ROBO1: variants seen among roughly 807,000 people sequenced by gnomAD.
ROBO1 encodes roundabout homolog 1.
Under a neutral mutation model 195.9 loss-of-function variants are expected in ROBO1, and 149 were observed. That is an observed-to-expected ratio of 0.76 (90% CI 0.67 to 0.87). ROBO1 has a LOEUF of 0.87. Among genes scored for constraint, ROBO1 ranks in the 40% least tolerant of loss-of-function variants. The pLI is 0.00. For synonymous variants in ROBO1, 816 were observed against 733.2 expected (o/e 1.11, Z -1.82); for missense variants, 1,933 against 2,068.3 (o/e 0.93, Z 1.27).
At chr3:78,780,822 C>T (rs1248193954) in intron 4 of ROBO1, among the ~76,000 whole-genome samples, 1 of 152,062 alleles carries the variant, frequency 6.6e-6, no homozygotes, top group East Asian at 1.9e-4. Context: ...GTCTTCTTGA[C>T]TGGATTTTTC....
chr3:78,790,061 C>T (rs138841177), intron 4 of ROBO1, among the ~76,000 whole-genome samples: 1 of 152,096 alleles, frequency 6.6e-6, no homozygotes, highest in African/African-American at 2.4e-5. Context: ...GTCCACATAC[C>T]ATGAACCTTG....
chr3:78,845,018 G>A (rs2033557889), intron 4 of ROBO1, among the ~76,000 whole-genome samples: 2 of 151,896 alleles, frequency 1.3e-5, no homozygotes, highest in African/African-American at 4.8e-5. Context: ...GTAGATTGAA[G>A]AAAAAAATGT....
intron 3 of ROBO1, among the ~76,000 whole-genome samples, chr3:78,978,150 A>T (rs1359293832): frequency 6.6e-6 from 1 of 152,124 alleles, no homozygotes; most frequent in Non-Finnish European, 1.5e-5. Flanking sequence ...TGATATTTTG[A>T]TTTCAGATTT....
intron 2 of ROBO1, among the ~76,000 whole-genome samples, chr3:79,462,182 C>A (rs1320886601): frequency 1.3e-5 from 2 of 152,044 alleles, no homozygotes; most frequent in Non-Finnish European, 2.9e-5. Context: ...CCCTCATTCA[C>A]CTCAGGAGTA....
chr3:79,701,129 A>G lies in ROBO1; in HGVS notation c.-51+66623T>C, dbSNP rs1220677472. Among the ~76,000 whole-genome samples the G allele has an allele frequency of 2.0e-5, 3 of 151,570 alleles. No homozygotes were observed. In the Admixed American group the frequency reaches 2.0e-4, roughly 10 times the overall value. ...TGTCAACTTTGTTGAAAATAAGATG[A>G]CTGTAGATGTGCAGCTTTATTTCTT... On this transcript the variant is annotated intron_variant, in intron 1 of 30. Coordinates refer to ENST00000464233, the MANE Select transcript of ROBO1 (RefSeq NM_002941.4).
chr3:79,441,310 A>C (rs2039046165), intron 2 of ROBO1, among the ~76,000 whole-genome samples: 1 of 152,132 alleles, frequency 6.6e-6, no homozygotes, highest in African/African-American at 2.4e-5. Context: ...AGTGAATGTT[A>C]GTTTCTTAGG....
rs1462638109 is a variant in ROBO1, at chr3:79,503,321, G to T, written c.88+86503C>A. Among the ~76,000 whole-genome samples the T allele has an allele frequency of 2.0e-5, 3 of 152,212 alleles. No homozygotes were observed. The South Asian group carries it at 6.2e-4, about 32-fold the overall frequency. On this transcript the variant is annotated intron_variant, in intron 2 of 30. Coordinates refer to ENST00000464233, the MANE Select transcript of ROBO1 (RefSeq NM_002941.4). ...GAACCCACCAGAAGGAAGAAACTCC[G>T]AACACATGGGAACATCAGAAGAAAC... is the stretch of plus-strand genomic sequence containing the variant.
At chr3:79,008,932 TG>T (rs1214053629) in intron 3 of ROBO1, among the ~76,000 whole-genome samples, 185 of 141,706 alleles carry the variant, frequency 1.3e-3, no homozygotes, top group Middle Eastern at 3.6e-3. Context: ...TGTGTGTGTA[TG>T]GTTTTGTTTT....
At chr3:79,502,030 T>G (rs1461237737) in intron 2 of ROBO1, among the ~76,000 whole-genome samples, 1 of 152,108 alleles carries the variant, frequency 6.6e-6, no homozygotes, top group East Asian at 1.9e-4. Context: ...AGGCCTTTCC[T>G]TACCTTAGTG....
chr3:79,725,596 G>A (rs1200128766), intron 1 of ROBO1, among the ~76,000 whole-genome samples: 2 of 152,130 alleles, frequency 1.3e-5, no homozygotes, highest in African/African-American at 4.8e-5. Flanking sequence ...CATTTTAAGA[G>A]TGGCAGAGAA....
intron 4 of ROBO1, among the ~76,000 whole-genome samples, chr3:78,787,177 T>C (rs2083861438): frequency 6.6e-6 from 1 of 152,200 alleles, no homozygotes; most frequent in Non-Finnish European, 1.5e-5. Context: ...CAAGGAACCA[T>C]ACTTTGAGGA....
intron 2 of ROBO1, among the ~76,000 whole-genome samples, chr3:79,488,781 C>A (rs1481381665): frequency 6.6e-6 from 1 of 152,082 alleles, no homozygotes; most frequent in Non-Finnish European, 1.5e-5. Flanking sequence ...TAAAACCTGG[C>A]GCCATGTACT....
In ROBO1 at chr3:79,323,144, C is replaced by T. The variant is rs558045266; in HGVS notation, c.89-197605G>A. Among the ~76,000 whole-genome samples the T allele has an allele frequency of 2.6e-5, 4 of 151,460 alleles. No individual in the cohort carries two copies. In the South Asian group the frequency reaches 6.2e-4, roughly 24 times the overall value. On this transcript the variant is annotated intron_variant, in intron 2 of 30. Transcript: ENST00000464233. The stretch of plus-strand genomic sequence containing the variant: ...TCACCCAGGCTGGAGTGCAGTGGCA[C>T]GATCGCAGCTCACTGCAACCTCTGC...
intron 2 of ROBO1, among the ~76,000 whole-genome samples, chr3:79,154,593 T>A (rs906644440): frequency 1.3e-5 from 2 of 151,736 alleles, no homozygotes; most frequent in Admixed American, 1.3e-4. Context: ...ATACTGTCCC[T>A]CGATGCAGAT....
At chr3:79,460,091 T>G (rs1252524984) in intron 2 of ROBO1, among the ~76,000 whole-genome samples, 2 of 152,196 alleles carry the variant, frequency 1.3e-5, no homozygotes, top group Non-Finnish European at 2.9e-5. Context: ...CAGTTCCTTT[T>G]ATAAATTCTA....
chr3:79,062,649 C>A (rs2078939821), intron 3 of ROBO1, among the ~76,000 whole-genome samples: 1 of 152,104 alleles, frequency 6.6e-6, no homozygotes, highest in Non-Finnish European at 1.5e-5. Flanking sequence ...ACATATACAC[C>A]ATGGAATACT....
At chr3:79,624,681 C>T (rs1576137834) in intron 1 of ROBO1, among the ~76,000 whole-genome samples, 1 of 151,904 alleles carries the variant, frequency 6.6e-6, no homozygotes, top group African/African-American at 2.4e-5. Flanking sequence ...CAATACAGGA[C>T]CACCCAGATC....
At chr3:78,987,508 T>A (rs1425186209) in intron 3 of ROBO1, among the ~76,000 whole-genome samples, 3 of 152,148 alleles carry the variant, frequency 2.0e-5, no homozygotes, top group Non-Finnish European at 4.4e-5. Context: ...TAGGCAGATA[T>A]TTATTTTCTA....
At chr3:79,533,694 C>T (rs1941745142) in intron 2 of ROBO1, among the ~76,000 whole-genome samples, 1 of 151,968 alleles carries the variant, frequency 6.6e-6, no homozygotes, top group South Asian at 2.1e-4. Context: ...TGCCTCTGCC[C>T]CTAATCATTA....
Sources: gnomAD v4.1 joint callset for allele counts (sites outside exome capture counted in the v4.1 genomes callset) on GRCh38, gnomAD v4.1.1 for gene constraint, MANE v1.5 for transcripts, NCBI Gene and HGNC (gene_info 2026-07-23, HGNC 2026-07-21) for gene names.